MRTFB: variants seen among roughly 807,000 people sequenced by gnomAD.
MRTFB encodes myocardin related transcription factor B.
In MRTFB, 29 loss-of-function variants were observed where a neutral mutation model predicts 104.2. The observed-to-expected ratio is 0.28, with a 90% CI of 0.21 to 0.38. The LOEUF (loss-of-function observed/expected upper bound fraction) is 0.38, where lower values mean the gene tolerates loss of function less well. Ranked by LOEUF, MRTFB falls within the 10% of genes least tolerant of loss-of-function variation. The pLI is 1.00. For missense variants in MRTFB, 1,270 were observed against 1,341.6 expected, an observed-to-expected ratio of 0.95 and a Z score of 0.83; for synonymous variants, 535 against 519.5, an observed-to-expected ratio of 1.03 and a Z score of -0.41.
intron 16 of MRTFB, among the ~76,000 whole-genome samples, chr16:14,260,536 G>A (rs978244040): frequency 5.3e-5 from 8 of 151,964 alleles, no homozygotes; most frequent in Non-Finnish European, 7.4e-5. Flanking sequence ...ACAAAATAAC[G>A]ACTCAAAGAT....
chr16:14,082,851 G>C (rs544197989), intron 2 of MRTFB, among the ~76,000 whole-genome samples: 1 of 152,150 alleles, frequency 6.6e-6, no homozygotes, highest in Non-Finnish European at 1.5e-5. Flanking sequence ...CATATCCTTT[G>C]GTAGTTCCAT....
chr16:14,026,619 G>C, the MRTFB span, among the ~76,000 whole-genome samples: 1 of 152,214 alleles, frequency 6.6e-6, no homozygotes, highest in Non-Finnish European at 1.5e-5. Context: ...GACAGGCACA[G>C]ATTGTGAGAT....
chr16:14,112,321 G>C, intron 2 of MRTFB, among the ~76,000 whole-genome samples: 1 of 152,180 alleles, frequency 6.6e-6, no homozygotes, highest in East Asian at 1.9e-4. Flanking sequence ...GGAGATCACG[G>C]AGTGTTCCTG....
At chr16:14,242,740 C>T (rs1462564882) in intron 10 of MRTFB, among the ~76,000 whole-genome samples, 1 of 152,158 alleles carries the variant, frequency 6.6e-6, no homozygotes, top group Admixed American at 6.5e-5. Context: ...TTAGCAACCT[C>T]TCTCTTTTTT....
chr16:14,249,998 C>T (rs569126664), intron 13 of MRTFB, among the ~76,000 whole-genome samples: 156 of 152,242 alleles, frequency 1.0e-3, no homozygotes, highest in African/African-American at 3.4e-3. Flanking sequence ...TTGGGGAAAG[C>T]TCGAAATACC....
chr16:14,094,046 G>GT (rs990876069), intron 2 of MRTFB, among the ~76,000 whole-genome samples: 5 of 152,212 alleles, frequency 3.3e-5, no homozygotes, highest in African/African-American at 1.2e-4. Context: ...GGAGAAAAAA[G>GT]TTACAGTGTA....
intron 13 of MRTFB, among the ~76,000 whole-genome samples, chr16:14,251,376 CAAAAAAA>C (rs776143724): frequency 8.3e-4 from 37 of 44,706 alleles, no homozygotes; most frequent in African/African-American, 2.4e-3. Context: ...GACTCCGTCT[CAAAAAAA>C]AAAAAAAAAA....
At chr16:14,234,506 A>AC (rs2042410376) in intron 9 of MRTFB, among the ~76,000 whole-genome samples, 1 of 152,202 alleles carries the variant, frequency 6.6e-6, no homozygotes, top group South Asian at 2.1e-4. Flanking sequence ...TACTTAAAAC[A>AC]CTAGGGGCTG....
chr16:14,225,457 T>C (rs2041958719), intron 8 of MRTFB, among the ~76,000 whole-genome samples: 1 of 152,184 alleles, frequency 6.6e-6, no homozygotes, highest in South Asian at 2.1e-4. Context: ...TAAGATGTTA[T>C]TTGTAATTCC....
chr16:14,074,300 G>C (rs1440745951), intron 1 of MRTFB, among the ~76,000 whole-genome samples: 1 of 152,096 alleles, frequency 6.6e-6, no homozygotes, highest in Non-Finnish European at 1.5e-5. Context: ...TCTTGTTCCA[G>C]GGTAAAAGAG....
chr16:14,021,309 C>G, the MRTFB span, among the ~76,000 whole-genome samples: 1 of 152,194 alleles, frequency 6.6e-6, no homozygotes, highest in Admixed American at 6.5e-5. Context: ...CTGCTGGGGG[C>G]TGGTCTTTGA....
At chr16:14,082,135 T>C (rs897161400) in intron 2 of MRTFB, among the ~76,000 whole-genome samples, 2 of 152,258 alleles carry the variant, frequency 1.3e-5, no homozygotes, top group African/African-American at 2.4e-5. Context: ...CATGGAACTT[T>C]TCCTCTATGT....
At chr16:14,229,717 A>T (rs1282551766) in intron 8 of MRTFB, among the ~76,000 whole-genome samples, 1 of 152,080 alleles carries the variant, frequency 6.6e-6, no homozygotes, top group Admixed American at 6.5e-5. Context: ...GTAGGAGAAA[A>T]GTCAGTCTTT....
At chr16:14,223,587 A>G (rs994403984) in intron 8 of MRTFB, among the ~76,000 whole-genome samples, 17 of 152,156 alleles carry the variant, frequency 1.1e-4, no homozygotes, top group Admixed American at 1.0e-3. Context: ...TGAAAAATTC[A>G]CTAGAGGCTT....
chr16:14,072,539 G>A (rs1439331845), intron 1 of MRTFB, among the ~76,000 whole-genome samples: 1 of 152,192 alleles, frequency 6.6e-6, no homozygotes, highest in Non-Finnish European at 1.5e-5. Context: ...GAAAAAATTA[G>A]CGTGGTGTGG....
At chr16:14,048,259 A>C in the MRTFB span, among the ~76,000 whole-genome samples, 7 of 152,234 alleles carry the variant, frequency 4.6e-5, no homozygotes, top group African/African-American at 1.7e-4. Context: ...GGTGAAGGTC[A>C]GTCAGCCAAC....
intron 8 of MRTFB, among the ~76,000 whole-genome samples, chr16:14,225,482 A>G (rs1246217491): frequency 2.6e-5 from 4 of 152,224 alleles, no homozygotes; most frequent in African/African-American, 7.2e-5. Context: ...GAAACAAACA[A>G]AAAATCCGTA....
At chr16:14,053,565 T>C in the MRTFB span, among the ~76,000 whole-genome samples, 1 of 151,952 alleles carries the variant, frequency 6.6e-6, no homozygotes, top group South Asian at 2.1e-4. Flanking sequence ...ACCCTGTCTC[T>C]ACTAAAAATA....
chr16:14,265,853 C>G lies in MRTFB; in HGVS notation c.*4409C>G, dbSNP rs991496771. On this transcript the variant is annotated 3_prime_UTR_variant, in exon 17 of 17. Coordinates refer to ENST00000571589, the MANE Select transcript of MRTFB (RefSeq NM_001308142.2). ...TCGGGAATCAAATAAAATATGTTAT[C>G]AGAGATATCATCACATCTATAGTGT... 4.6e-5 allele frequency: 7 copies of G among 152,206 alleles called. No individual in the cohort carries two copies. The highest frequency in any genetic ancestry group is 1.4e-4 in the African/African-American group (6 of 41,448). The allele number at this position is 152,206 out of a possible 1,614,324, so 9.4% of individuals were successfully genotyped here.
Sources: allele counts gnomAD v4.1 joint callset (sites outside exome capture counted in the v4.1 genomes callset), GRCh38; gene constraint gnomAD v4.1.1; transcripts MANE v1.5; gene names NCBI Gene and HGNC (gene_info 2026-07-23, HGNC 2026-07-21).